Variants in GLDC observed in about 807,000 individuals in gnomAD.
GLDC encodes glycine dehydrogenase (decarboxylating), mitochondrial.
In GLDC, 104 loss-of-function variants were observed where a neutral mutation model predicts 121.3. The observed-to-expected ratio is 0.86, with a 90% confidence interval of 0.73 to 1.01. GLDC has a LOEUF of 1.01. Among genes scored for constraint, GLDC ranks in the 50% least tolerant of loss-of-function variants. The probability of loss-of-function intolerance (pLI) is 0.00; values close to 1 mark genes in which losing one functional copy is unlikely to be tolerated. For missense variants in GLDC, 1,429 were observed against 1,306.6 expected (o/e 1.09, Z -1.44); for synonymous variants, 546 against 480.6 (o/e 1.14, Z -1.78).
At chr9:6,629,603 A>G (rs1352872448) in intron 2 of GLDC, among the ~76,000 whole-genome samples, 1 of 105,694 alleles carries the variant, frequency 9.5e-6, no homozygotes, top group Non-Finnish European at 1.8e-5. Flanking sequence ...GATACCTGCT[A>G]CAACTAAACA....
At chr9:6,537,231 T>C (rs1294678607) in intron 22 of GLDC, among the ~76,000 whole-genome samples, 6 of 152,046 alleles carry the variant, frequency 3.9e-5, no homozygotes, top group South Asian at 2.1e-4. Flanking sequence ...AGTTTCACCA[T>C]GTTGTCCGGG....
chr9:6,600,259 T>A (rs1165346528), intron 8 of GLDC, among the ~76,000 whole-genome samples: 1 of 151,964 alleles, frequency 6.6e-6, no homozygotes, highest in East Asian at 1.9e-4. Flanking sequence ...TCCCAGCTAC[T>A]TAGGAGGCTG....
chr9:6,605,100 C>T, intron 6 of GLDC, 31 bp downstream of exon 6: 8 of 1,602,946 alleles, frequency 5.0e-6, no homozygotes, highest in Non-Finnish European at 6.8e-6. Flanking sequence ...GATACGCCTC[C>T]ACGGACCCCC....
chr9:6,638,910 C>T (rs1819567865), intron 2 of GLDC, among the ~76,000 whole-genome samples: 2 of 151,628 alleles, frequency 1.3e-5, no homozygotes, highest in South Asian at 2.1e-4. Context: ...TCGGGAGGCT[C>T]AGGCAGGAGA....
At chr9:6,639,348 C>G in intron 2 of GLDC, 6 of 943,414 alleles carry the variant, frequency 6.4e-6, no homozygotes, top group South Asian at 2.6e-5. Context: ...CCAGGAGAAA[C>G]AAGCTTGACC....
At chr9:6,545,853 C>T (rs1450649781) in intron 21 of GLDC, among the ~76,000 whole-genome samples, 1 of 152,122 alleles carries the variant, frequency 6.6e-6, no homozygotes, top group Non-Finnish European at 1.5e-5. Context: ...GTTGGCCTGG[C>T]TGGTCTCGAA....
intron 22 of GLDC, among the ~76,000 whole-genome samples, chr9:6,536,636 A>T (rs1035667592): frequency 2.0e-5 from 3 of 152,228 alleles, no homozygotes; most frequent in African/African-American, 7.2e-5. Context: ...CTTGAAGAAA[A>T]CATAAAATGT....
rs1358408024 is a variant in GLDC at position 6,610,426 on chromosome 9, T to A, written c.471-70A>T. The A allele has an allele frequency of 1.2e-5, 18 of 1,467,660 alleles. No homozygotes were observed. In the East Asian group the frequency reaches 4.1e-4, roughly 33 times the overall value. The allele number at this position is 1,467,660 out of a possible 1,614,324, so 90.9% of individuals were successfully genotyped here. A position where few individuals can be genotyped will look rare whatever the true frequency, so the allele number is the denominator to read the frequency against. ...GAGAAGCACACAAAATGCTATCATTTCAGAATTCAGTACCTGAAAATAATT... is the reference window on the plus strand; with the variant it reads ...GAGAAGCACACAAAATGCTATCATTACAGAATTCAGTACCTGAAAATAATT... On this transcript the variant is annotated intron_variant, in intron 3 of 24. Transcript: ENST00000321612.
chr9:6,620,117 C>G (rs947216728), intron 3 of GLDC, 67 bp downstream of exon 3: 16 of 1,504,786 alleles, frequency 1.1e-5, no homozygotes, highest in Non-Finnish European at 1.3e-5. Context: ...TGCAAGGGGA[C>G]AGATGGAGGA....
intron 2 of GLDC, among the ~76,000 whole-genome samples, chr9:6,642,980 C>A (rs1819658473): frequency 1.3e-5 from 2 of 151,872 alleles, no homozygotes; most frequent in Admixed American, 6.6e-5. Flanking sequence ...CTCGCTGCAA[C>A]CTCCACTGCC....
chr9:6,601,768 G>C (rs780609224), intron 8 of GLDC, among the ~76,000 whole-genome samples: 16 of 151,978 alleles, frequency 1.1e-4, no homozygotes, highest in Non-Finnish European at 2.4e-4. Flanking sequence ...GGGACTACAG[G>C]AGCATACCAC....
At chr9:6,596,950 C>A (rs1261931901) in intron 8 of GLDC, among the ~76,000 whole-genome samples, 2 of 152,210 alleles carry the variant, frequency 1.3e-5, no homozygotes, top group Non-Finnish European at 2.9e-5. Flanking sequence ...GTGTTCACAG[C>A]AGGCTTATTT....
In GLDC at chr9:6,534,714, G is replaced by A; in HGVS notation, c.2913C>T (p.Phe971=). The part of the protein sequence containing the change: ...DRPYSREVAA[F]PLPFVKPENK... ...TCAGATTCAGAGAACTTACGAGTGG[G>A]AATGCTGCCACCTCTCTGGAATAAG... The change falls in exon 24 of 25, where the codon TTC becomes TTT. Residue 971 remains phenylalanine, a synonymous_variant. Coordinates refer to ENST00000321612, the MANE Select transcript of GLDC (RefSeq NM_000170.3). 6.3e-7 allele frequency: 1 copy of A among 1,575,262 alleles called. No homozygotes were observed.
At chr9:6,615,486 G>T (rs1818950608) in intron 3 of GLDC, among the ~76,000 whole-genome samples, 1 of 151,838 alleles carries the variant, frequency 6.6e-6, no homozygotes, top group Admixed American at 6.6e-5. Context: ...GGAGGCTGAG[G>T]CAGGAGGATT....
At chr9:6,609,939 C>G (rs181017770) in intron 4 of GLDC, among the ~76,000 whole-genome samples, 1 of 152,074 alleles carries the variant, frequency 6.6e-6, no homozygotes, top group African/African-American at 2.4e-5. Context: ...CTTTACCCCT[C>G]GCCTGCCAAC....
chr9:6,534,091 AGTCCCAGCGGGAGGCTGAG>A (rs1276177884), intron 24 of GLDC: 1 of 149,352 alleles, frequency 6.7e-6, no homozygotes, highest in Non-Finnish European at 1.5e-5. Flanking sequence ...AGGCGCCTGT[AGTCCCAGCGGGAGGCTGAG>A]GTAGGAGAAT....
At chr9:6,585,309 T>A (rs974360798) in intron 15 of GLDC, among the ~76,000 whole-genome samples, 1 of 152,224 alleles carries the variant, frequency 6.6e-6, no homozygotes, top group Non-Finnish European at 1.5e-5. Flanking sequence ...GAAAATGTGA[T>A]TATATTCCGT....
intron 16 of GLDC, among the ~76,000 whole-genome samples, chr9:6,562,561 A>T (rs116533778): frequency 5.3e-5 from 8 of 152,144 alleles, no homozygotes; most frequent in South Asian, 2.1e-4. Context: ...GGCTTTAATT[A>T]AAAAAAATTT....
At chr9:6,544,188 G>A (rs1164680175) in intron 21 of GLDC, among the ~76,000 whole-genome samples, 2 of 152,144 alleles carry the variant, frequency 1.3e-5, no homozygotes, top group Non-Finnish European at 2.9e-5. Flanking sequence ...ATGACTAACA[G>A]AATCAAACCT....
Sources: allele counts gnomAD v4.1 joint callset (sites outside exome capture counted in the v4.1 genomes callset), GRCh38; gene constraint gnomAD v4.1.1; transcripts MANE v1.5; gene names NCBI Gene and HGNC (gene_info 2026-07-23, HGNC 2026-07-21).